ATF1: variants seen among roughly 807,000 people sequenced by gnomAD.
ATF1 encodes cyclic AMP-dependent transcription factor ATF-1.
In ATF1, 16 loss-of-function variants were observed where a neutral mutation model predicts 34.7. The observed-to-expected ratio is 0.46, with a 90% CI of 0.31 to 0.70. ATF1 has a LOEUF of 0.70. Among genes scored for constraint, ATF1 ranks in the 30% least tolerant of loss-of-function variants. The pLI is 0.05. For missense variants in ATF1, 255 were observed against 321.6 expected (o/e 0.79, Z 1.58); for synonymous variants, 105 against 113.1 (o/e 0.93, Z 0.46).
chr12:50,811,175 G>A (rs1294293351), intron 4 of ATF1, among the ~76,000 whole-genome samples: 3 of 152,122 alleles, frequency 2.0e-5, no homozygotes, highest in African/African-American at 7.2e-5. Flanking sequence ...CTGCTTAAGT[G>A]TCACCTCCAC....
intron 2 of ATF1, chr12:50,788,221 C>A: frequency 2.2e-6 from 1 of 451,524 alleles, no homozygotes; most frequent in South Asian, 1.6e-5. Context: ...CTCACTCTGT[C>A]ACCCAGACTG....
rs987145881 is a variant in ATF1, at chr12:50,820,581, T to C, written c.*802T>C. The C allele has an allele frequency of 5.6e-6, 1 of 179,190 alleles. No individual in the cohort carries two copies. Among genetic ancestry groups the C allele is most frequent in the South Asian group, 2.0e-4 (1 of 5,040 alleles). The allele number at this position is 179,190 out of a possible 1,614,324, so 11.1% of individuals were successfully genotyped here. Reference sequence around the variant, plus strand: ...TATGCAGTTGAATATCCATTACTTATTCTGCTGTGCTTTAATAGAATGGAA... The same window carrying C: ...TATGCAGTTGAATATCCATTACTTACTCTGCTGTGCTTTAATAGAATGGAA... On this transcript the variant is annotated 3_prime_UTR_variant, in exon 7 of 7. Transcript: ENST00000262053.
rs555900152 is a variant in ATF1 at position 50,771,099 on chromosome 12, G to A, written c.-7+6792G>A. On this transcript the variant is annotated intron_variant, in intron 1 of 6. Coordinates refer to ENST00000262053, the MANE Select transcript of ATF1 (RefSeq NM_005171.5). Reference sequence around the variant, plus strand: ...TGGCTCACTGCAGCCTCCGCCTCCTGGGTTCAAGTGATTCTCCTGCCTCAG... The same window carrying A: ...TGGCTCACTGCAGCCTCCGCCTCCTAGGTTCAAGTGATTCTCCTGCCTCAG... Among the ~76,000 whole-genome samples, 208 of 151,980 alleles carry A rather than the reference G, an allele frequency of 1.4e-3. 2 individuals are homozygous for A. The highest frequency in any genetic ancestry group is 4.8e-3 in the African/African-American group (200 of 41,456).
intron 2 of ATF1, among the ~76,000 whole-genome samples, chr12:50,787,035 C>G (rs988705905): frequency 2.0e-5 from 3 of 152,196 alleles, no homozygotes; most frequent in African/African-American, 4.8e-5. Context: ...GTAATCCAAA[C>G]AACAACAAAA....
At chr12:50,818,152 A>T (rs1448264574) in intron 6 of ATF1, among the ~76,000 whole-genome samples, 1 of 152,196 alleles carries the variant, frequency 6.6e-6, no homozygotes, top group Non-Finnish European at 1.5e-5. Flanking sequence ...GTAGAAATAC[A>T]CGTAAAGAAT....
At chr12:50,795,843 G>C (rs967953683) in intron 2 of ATF1, 66 bp from the exon 3 acceptor site, 9 of 1,274,074 alleles carry the variant, frequency 7.1e-6, no homozygotes, top group Non-Finnish European at 1.0e-5. Flanking sequence ...TTTTCTAAAA[G>C]TAAAAATTCA....
At chr12:50,796,824 G>A (rs1054713763) in intron 3 of ATF1, among the ~76,000 whole-genome samples, 1 of 152,072 alleles carries the variant, frequency 6.6e-6, no homozygotes, top group Non-Finnish European at 1.5e-5. Flanking sequence ...GAACATAGGC[G>A]ATAAGCTCTT....
chr12:50,771,989 C>G (rs940516495), intron 1 of ATF1, among the ~76,000 whole-genome samples: 5 of 152,186 alleles, frequency 3.3e-5, no homozygotes, highest in Non-Finnish European at 7.3e-5. Context: ...AATGGACAAC[C>G]AGCAGCCCTC....
Position 50,814,982 on chromosome 12 carries a change from C to T in ATF1, c.671+543C>T, listed in dbSNP as rs145961672. On this transcript the variant is annotated intron_variant, in intron 6 of 6. Coordinates refer to ENST00000262053, the MANE Select transcript of ATF1 (RefSeq NM_005171.5). ...TGAAAATACAAAAAAATTAGCTGGGCGTGGTGGCGGGCGCCTGTAGTCCCA... is the reference window on the plus strand; with the variant it reads ...TGAAAATACAAAAAAATTAGCTGGGTGTGGTGGCGGGCGCCTGTAGTCCCA... Among the ~76,000 whole-genome samples the T allele has an allele frequency of 9.4e-3, 1,425 of 151,910 alleles. 30 individuals are homozygous for T. The highest frequency in any genetic ancestry group is 0.033 in the African/African-American group (1,347 of 41,436).
rs138816130 is a variant in ATF1 at position 50,806,396 on chromosome 12, T to C, written c.195-3060T>C. ...CAAAATGCCATAAGGATGACAGTTA[T>C]CAGCAGGATGCTGACAATGGTTCCC... On this transcript the variant is annotated intron_variant, in intron 3 of 6. Coordinates refer to ENST00000262053, the MANE Select transcript of ATF1 (RefSeq NM_005171.5). 9.0e-4 allele frequency: 454 copies of C among 505,780 alleles called. 9 individuals carry two copies. The highest frequency in any genetic ancestry group is 1.6e-3 in the Non-Finnish European group (406 of 246,366). 31.3% of individuals were successfully genotyped at this position (505,780 alleles called of 1,614,324 possible).
Position 50,819,998 on chromosome 12 carries a change from A to G in ATF1, c.*219A>G. 2.8e-6 allele frequency: 1 copy of G among 359,060 alleles called. No homozygotes were observed. The highest frequency in any genetic ancestry group is 5.0e-6 in the Non-Finnish European group (1 of 201,390). The allele number at this position is 359,060 out of a possible 1,614,324, so 22.2% of individuals were successfully genotyped here. A position where few individuals can be genotyped will look rare whatever the true frequency, so the allele number is the denominator to read the frequency against. On this transcript the variant is annotated 3_prime_UTR_variant, in exon 7 of 7. Coordinates refer to ENST00000262053, the MANE Select transcript of ATF1 (RefSeq NM_005171.5). ...ACTGGAAGCTTTGTAGAAATTAAAC[A>G]TATTCAAGGAGCAAGAAATGAACTT...
At chr12:50,780,999 C>A (rs1210160271) in intron 2 of ATF1, among the ~76,000 whole-genome samples, 2 of 151,608 alleles carry the variant, frequency 1.3e-5, no homozygotes, top group African/African-American at 2.4e-5. Context: ...GAAAAACAAG[C>A]AAAAAAGACT....
rs773427449 is a variant in ATF1, at chr12:50,819,754, A to ATCTT, written c.793_796dup (p.Tyr266SerfsTer5). The ATCTT allele has an allele frequency of 1.3e-6, 2 of 1,569,306 alleles. No homozygotes were observed. The highest frequency in any genetic ancestry group is 2.4e-5 in the South Asian group (2 of 84,836). ...ATAGAAGAGTTAAAAACTTTGAAGG[A>ATCTT]TCTTTATTCCAATAAAAGTGTTTGA... On this transcript the variant is annotated frameshift_variant, in exon 7 of 7. Transcript: ENST00000262053. LOFTEE classifies it high-confidence loss of function.
At chr12:50,811,284 A>T (rs1659387) in intron 4 of ATF1, among the ~76,000 whole-genome samples, 33,280 of 151,984 alleles carry the variant, frequency 0.22, 4,754 homozygotes, top group Non-Finnish European at 0.32. Context: ...AAGTCAGTAC[A>T]TATTAGTTTA....
chr12:50,818,203 G>A (rs980677868), intron 6 of ATF1, among the ~76,000 whole-genome samples: 2 of 152,078 alleles, frequency 1.3e-5, no homozygotes, highest in Admixed American at 6.5e-5. Context: ...TCCCGACACC[G>A]TGACCAGGAG....
chr12:50,814,995 G>T (rs113652756), intron 6 of ATF1, among the ~76,000 whole-genome samples: 3,218 of 151,996 alleles, frequency 0.021, 60 homozygotes, highest in Non-Finnish European at 0.03. Flanking sequence ...GGTGGCGGGC[G>T]CCTGTAGTCC....
chr12:50,792,605 A>G (rs905297929), intron 2 of ATF1, among the ~76,000 whole-genome samples: 1 of 23,170 alleles, frequency 4.3e-5, no homozygotes, highest in East Asian at 3.8e-4. Flanking sequence ...TGCTGTACCT[A>G]TAATATATAA....
intron 1 of ATF1, among the ~76,000 whole-genome samples, chr12:50,770,910 G>T (rs944782550): frequency 3.3e-5 from 5 of 152,160 alleles, no homozygotes; most frequent in Non-Finnish European, 1.5e-5. Flanking sequence ...CTAACAACCC[G>T]ATATCAGCTT....
chr12:50,799,805 T>C (rs1221531827), intron 3 of ATF1, among the ~76,000 whole-genome samples: 1 of 152,180 alleles, frequency 6.6e-6, no homozygotes, highest in East Asian at 1.9e-4. Context: ...ATGGATATTA[T>C]CCAATCTGAA....
Sources: gnomAD v4.1 joint callset for allele counts (sites outside exome capture counted in the v4.1 genomes callset) on GRCh38, gnomAD v4.1.1 for gene constraint, MANE v1.5 for transcripts, NCBI Gene and HGNC (gene_info 2026-07-23, HGNC 2026-07-21) for gene names.